KCNAB2: variants seen among roughly 807,000 people sequenced by gnomAD.
The protein encoded by KCNAB2 is potassium voltage-gated channel subfamily A regulatory beta subunit 2, also known as voltage-gated potassium channel subunit beta-2.
KCNAB2 carries 29 observed loss-of-function variants against 63.6 expected under a neutral mutation model. The observed-to-expected ratio is 0.46, with a 90% confidence interval of 0.34 to 0.62. The LOEUF is 0.62. Ranked by LOEUF, KCNAB2 falls within the 20% of genes least tolerant of loss-of-function variation. The pLI, the probability that KCNAB2 is intolerant of heterozygous loss-of-function variation, is 0.01. For missense variants in KCNAB2, 359 were observed against 563.9 expected (o/e 0.64, Z 3.68); for synonymous variants, 222 against 224.2 (o/e 0.99, Z 0.09).
At chr1:6,084,599 C>G (rs543584277) in intron 5 of KCNAB2, among the ~76,000 whole-genome samples, 1 of 152,070 alleles carries the variant, frequency 6.6e-6, no homozygotes, top group African/African-American at 2.4e-5. Context: ...GCGGATCACT[C>G]GAGATGAGGA....
rs1018341578 is a variant in KCNAB2 at position 6,069,454 on chromosome 1, G to A, written c.219-3301G>A. 2.6e-5 allele frequency among the ~76,000 whole-genome samples: 4 copies of A among 152,170 alleles called. No individual in the cohort carries two copies. Among genetic ancestry groups the A allele is most frequent in the Middle Eastern group, 3.2e-3 (1 of 316 alleles). Reference sequence around the variant, plus strand: ...ACGATGGGCATCAGTGCTCCCCTCCGGCAGAGGTTATGTCTGTGAGTCCTC... The same window carrying A: ...ACGATGGGCATCAGTGCTCCCCTCCAGCAGAGGTTATGTCTGTGAGTCCTC... On this transcript the variant is annotated intron_variant, in intron 2 of 15. Coordinates refer to ENST00000378083, the MANE Select transcript of KCNAB2 (RefSeq NM_001199862.2). The surrounding 1 kb of genome is among the most constrained non-coding windows in gnomAD (Gnocchi z 5.4).
rs1263557913 is a variant in KCNAB2 at position 6,073,243 on chromosome 1, CT to C, written c.262+446del. Among the ~76,000 whole-genome samples the C allele has an allele frequency of 6.6e-6, 1 of 152,092 alleles. No individual in the cohort carries two copies. Among genetic ancestry groups the C allele is most frequent in the African/African-American group, 2.4e-5 (1 of 41,402 alleles). On this transcript the variant is annotated intron_variant, in intron 3 of 15. Transcript: ENST00000378083. The surrounding 1 kb of genome is among the most constrained non-coding windows in gnomAD (Gnocchi z 5.7). The stretch of plus-strand genomic sequence containing the variant: ...CCAGAATGTGCAGTCCCCACCTCCC[CT>C]CTGCATGCAGTACACACACCCCCAC...
rs11589347 is a variant in KCNAB2, at chr1:6,051,697, G to C, written c.161G>C (p.Arg54Pro). 7 of 1,533,804 alleles carry C rather than the reference G, an allele frequency of 4.6e-6. No homozygotes were observed. The highest frequency in any genetic ancestry group is 6.1e-6 in the Non-Finnish European group (7 of 1,146,682). Reference protein sequence around the residue: ...AQARNMESFLRMHGLSLDGCT... With the variant: ...AQARNMESFLPMHGLSLDGCT... ...GCCAGGAACATGGAGAGCTTCCTCC[G>C]CATGCACGGCCTTTCCCTGGACGGC... is the stretch of plus-strand genomic sequence containing the variant. The change falls in exon 2 of 16, where the codon CGC becomes CCC. Residue 54 changes from arginine to proline, a missense_variant. Arg to Pro is a moderately radical substitution (Grantham distance 103, BLOSUM62 -2). Coordinates refer to ENST00000378083, the MANE Select transcript of KCNAB2 (RefSeq NM_001199862.2).
At chr1:6,085,844 A>C in intron 6 of KCNAB2, 1 of 987,820 alleles carries the variant, frequency 1.0e-6, no homozygotes, top group Non-Finnish European at 1.2e-6. Context: ...AGTGGCCCCA[A>C]GTCTGTAAAT....
Position 6,099,746 on chromosome 1 carries a change from CCTCAGGG to C in KCNAB2, c.*1173_*1179del. The C allele has an allele frequency of 6.9e-7, 1 of 1,453,932 alleles. No homozygotes were observed. The highest frequency in any genetic ancestry group is 9.1e-7 in the Non-Finnish European group (1 of 1,101,680). 90.1% of individuals were successfully genotyped at this position (1,453,932 alleles called of 1,614,324 possible). On this transcript the variant is annotated 3_prime_UTR_variant, in exon 16 of 16. Coordinates refer to ENST00000378083, the MANE Select transcript of KCNAB2 (RefSeq NM_001199862.2). ...AGCACCCCCACAATGTAGGAAAAGA[CCTCAGGG>C]AACCTCTCCCTGGAAAGACGGGCAG...
intron 1 of KCNAB2, among the ~76,000 whole-genome samples, chr1:6,020,530 C>T (rs892225258): frequency 6.6e-6 from 1 of 152,162 alleles, no homozygotes; most frequent in African/African-American, 2.4e-5. Flanking sequence ...TTTCCCGAAG[C>T]CCCACCCTCC....
At chr1:6,021,014 G>A (rs540903716) in intron 1 of KCNAB2, among the ~76,000 whole-genome samples, 2 of 152,124 alleles carry the variant, frequency 1.3e-5, no homozygotes, top group Admixed American at 6.5e-5. Flanking sequence ...TATTTTTTGA[G>A]ACAAAGTTTT....
At chr1:6,043,191 G>A (rs775431350), upstream of KCNAB2, among the ~76,000 whole-genome samples, 20 of 152,156 alleles carry the variant, frequency 1.3e-4, no homozygotes, top group Middle Eastern at 6.8e-3. Context: ...TCAGAGAGCC[G>A]GGAGCAGCCT....
chr1:6,062,906 T>C (rs773143012), intron 2 of KCNAB2, among the ~76,000 whole-genome samples: 4 of 152,118 alleles, frequency 2.6e-5, no homozygotes, highest in Non-Finnish European at 5.9e-5. Context: ...TGTGCAAACA[T>C]TGCCACAATT....
intron 2 of KCNAB2, 139 bp downstream of exon 2, chr1:6,051,893 C>A: frequency 9.8e-7 from 1 of 1,024,268 alleles, no homozygotes; most frequent in Non-Finnish European, 1.4e-6. Flanking sequence ...CACCTGAGAT[C>A]AGGAGCTCGA....
chr1:6,022,996 C>T (rs1283285920), intron 1 of KCNAB2, among the ~76,000 whole-genome samples: 4 of 151,652 alleles, frequency 2.6e-5, no homozygotes, highest in African/African-American at 4.9e-5. Flanking sequence ...GATTCTCATG[C>T]CTCAGCCTCC....
intron 2 of KCNAB2, among the ~76,000 whole-genome samples, chr1:6,064,367 C>T (rs995421924): frequency 6.6e-6 from 1 of 152,182 alleles, no homozygotes; most frequent in Non-Finnish European, 1.5e-5. Flanking sequence ...ACAGTAGGCA[C>T]CCAGAGGCTC....
At chr1:6,066,558 G>A (rs901678371) in intron 2 of KCNAB2, among the ~76,000 whole-genome samples, 23 of 152,202 alleles carry the variant, frequency 1.5e-4, no homozygotes, top group African/African-American at 5.3e-4. Context: ...TCTGAGGGTC[G>A]TTTACAATAG....
At position 6,086,469 on chromosome 1, in the gene KCNAB2, T is replaced by C. The variant is rs1335951352; in HGVS notation, c.426-998T>C. On this transcript the variant is annotated intron_variant, in intron 6 of 15. Transcript: ENST00000378083. This position sits in a 1 kb window ranked among gnomAD's most constrained non-coding sequence, Gnocchi z 4.2. ...GCCTCTGCCAGAGCTCTGTGGCCGATGCTTCGGGGCAGAGGAGGCCTCCTA... is the reference window on the plus strand; with the variant it reads ...GCCTCTGCCAGAGCTCTGTGGCCGACGCTTCGGGGCAGAGGAGGCCTCCTA... The C allele has an allele frequency of 6.2e-6, 5 of 810,342 alleles. No individual in the cohort carries two copies. Among genetic ancestry groups the C allele is most frequent in the African/African-American group, 3.7e-5 (2 of 53,540 alleles). The allele number at this position is 810,342 out of a possible 1,614,324, so 50.2% of individuals were successfully genotyped here. A position where few individuals can be genotyped will look rare whatever the true frequency, so the allele number is the denominator to read the frequency against.
At chr1:6,098,251 G>A in intron 15 of KCNAB2, 4 of 1,328,744 alleles carry the variant, frequency 3.0e-6, no homozygotes, top group Non-Finnish European at 2.9e-6. Flanking sequence ...AAGGTTCTAG[G>A]GCACCTTGAC....
chr1:6,051,122 C>T (rs1221160092), intron 1 of KCNAB2, among the ~76,000 whole-genome samples: 4 of 152,298 alleles, frequency 2.6e-5, no homozygotes, highest in East Asian at 1.9e-4. Flanking sequence ...GACATGGTAC[C>T]GCAGTCACCA....
chr1:6,047,523 C>G (rs115964362), intron 1 of KCNAB2, among the ~76,000 whole-genome samples: 1 of 152,166 alleles, frequency 6.6e-6, no homozygotes, highest in Non-Finnish European at 1.5e-5. Flanking sequence ...GAGTCCCCCC[C>G]ACACAAGAGA....
In KCNAB2 at chr1:6,027,962, T is replaced by C. The variant is rs374934530; in HGVS notation, c.-52-12555T>C. Reference sequence around the variant, plus strand: ...GTTCTTCTCCTCGCATTTCTTTGGCTGCATCTGAGCCAAAGTCTGGATGGA... The same window carrying C: ...GTTCTTCTCCTCGCATTTCTTTGGCCGCATCTGAGCCAAAGTCTGGATGGA... On this transcript the variant is annotated intron_variant, in intron 1 of 16. Transcript: ENST00000341524. Among the ~76,000 whole-genome samples the C allele has an allele frequency of 3.5e-4, 54 of 152,366 alleles. 3 individuals are homozygous for C. In the South Asian group the frequency reaches 0.011, roughly 31 times the overall value.
At chr1:6,098,379 C>G in intron 15 of KCNAB2, 106 bp from the exon 16 acceptor site, 1 of 1,530,280 alleles carries the variant, frequency 6.5e-7, no homozygotes, top group Middle Eastern at 1.8e-4. Flanking sequence ...ATGGGGCAAC[C>G]CGGGCCTGGC....
Sources: allele counts gnomAD v4.1 joint callset (sites outside exome capture counted in the v4.1 genomes callset), GRCh38; gene constraint gnomAD v4.1.1; non-coding constraint Gnocchi (gnomAD v3.1); transcripts MANE v1.5; gene names NCBI Gene and HGNC (gene_info 2026-07-23, HGNC 2026-07-21).